The following KIF16B variants were observed in gnomAD, a reference collection of about 807,000 sequenced individuals.
KIF16B encodes the protein kinesin-like protein KIF16B.
In KIF16B, 98 loss-of-function variants were observed where a neutral mutation model predicts 156.3. The observed-to-expected ratio is 0.63, with a 90% confidence interval of 0.53 to 0.74. The LOEUF is 0.74. KIF16B is among the 30% of genes least tolerant of loss of function. The probability of loss-of-function intolerance (pLI) is 0.00; values close to 1 mark genes in which losing one functional copy is unlikely to be tolerated. For synonymous variants in KIF16B, 564 were observed against 583.7 expected, an observed-to-expected ratio of 0.97 and a Z score of 0.49; for missense variants, 1,421 against 1,606.5, an observed-to-expected ratio of 0.88 and a Z score of 1.97.
At chr20:16,430,930 TA>T (rs57529248) in intron 12 of KIF16B, among the ~76,000 whole-genome samples, 1 of 150,028 alleles carries the variant, frequency 6.7e-6, no homozygotes, top group Non-Finnish European at 1.5e-5. Context: ...TTTAACACAT[TA>T]AAAAAAACAA....
intron 25 of KIF16B, among the ~76,000 whole-genome samples, chr20:16,300,288 G>A (rs1278665026): frequency 6.6e-6 from 1 of 152,166 alleles, no homozygotes; most frequent in Non-Finnish European, 1.5e-5. Context: ...TCAAATTTTA[G>A]AGTAATGAGT....
chr20:16,430,584 G>A (rs1161510369), intron 12 of KIF16B, among the ~76,000 whole-genome samples: 7 of 152,070 alleles, frequency 4.6e-5, no homozygotes, highest in Non-Finnish European at 8.8e-5. Context: ...GCCTTTTAGA[G>A]AAAACTACCT....
intron 1 of KIF16B, among the ~76,000 whole-genome samples, chr20:16,569,842 G>A (rs539494225): frequency 6.6e-6 from 1 of 152,082 alleles, no homozygotes; most frequent in Non-Finnish European, 1.5e-5. Context: ...ATAAAACTAC[G>A]CATGAGGAAA....
chr20:16,505,940 T>A, intron 8 of KIF16B, 82 bp downstream of exon 8: 1 of 1,603,840 alleles, frequency 6.2e-7, no homozygotes, highest in Non-Finnish European at 8.5e-7. Context: ...CTTGAAGAAA[T>A]TACCTCAGTT....
chr20:16,362,069 A>G (rs2064562359), intron 22 of KIF16B, among the ~76,000 whole-genome samples: 3 of 152,210 alleles, frequency 2.0e-5, no homozygotes, highest in African/African-American at 7.2e-5. Context: ...AGTGGCTCTC[A>G]CTATTAAGCA....
chr20:16,412,845 C>T (rs111991464), intron 15 of KIF16B, among the ~76,000 whole-genome samples: 75 of 152,086 alleles, frequency 4.9e-4, no homozygotes, highest in African/African-American at 1.6e-3. Flanking sequence ...TATATGTATA[C>T]TTAAAATGCA....
At chr20:16,487,281 G>A (rs1468974757) in intron 12 of KIF16B, among the ~76,000 whole-genome samples, 5 of 151,856 alleles carry the variant, frequency 3.3e-5, no homozygotes, top group Middle Eastern at 3.4e-3. Context: ...GCATTTAAAC[G>A]AGAGAGGCCA....
At chr20:16,437,990 A>AT (rs1305335105) in intron 12 of KIF16B, among the ~76,000 whole-genome samples, 1 of 73,954 alleles carries the variant, frequency 1.4e-5, no homozygotes, top group Non-Finnish European at 3.0e-5. Context: ...AAAAAATAAT[A>AT]AAAAAAAAAA....
At chr20:16,321,692 G>A (rs2063775211) in intron 24 of KIF16B, among the ~76,000 whole-genome samples, 1 of 151,972 alleles carries the variant, frequency 6.6e-6, no homozygotes, top group South Asian at 2.1e-4. Flanking sequence ...TTGAAGTAAG[G>A]CTCAGATGTG....
chr20:16,415,449 C>T (rs993637475), intron 15 of KIF16B, among the ~76,000 whole-genome samples: 4 of 152,116 alleles, frequency 2.6e-5, no homozygotes, highest in South Asian at 2.1e-4. Flanking sequence ...CTTTTCCTCA[C>T]GGCTCTTCTA....
At chr20:16,458,735 T>C (rs1042173788) in intron 12 of KIF16B, among the ~76,000 whole-genome samples, 19 of 151,802 alleles carry the variant, frequency 1.3e-4, no homozygotes, top group African/African-American at 4.6e-4. Context: ...AGGGAATCCA[T>C]GTACAGGTAT....
At chr20:16,418,603 G>T (rs1371782974) in intron 15 of KIF16B, among the ~76,000 whole-genome samples, 1 of 152,078 alleles carries the variant, frequency 6.6e-6, no homozygotes, top group Non-Finnish European at 1.5e-5. Context: ...CCATGGAGTG[G>T]TTCTGGCCAA....
chr20:16,526,662 G>A (rs1431456767), intron 2 of KIF16B, among the ~76,000 whole-genome samples: 1 of 152,148 alleles, frequency 6.6e-6, no homozygotes, highest in Non-Finnish European at 1.5e-5. Context: ...ACACTCCATG[G>A]AGAAGTAATT....
intron 12 of KIF16B, among the ~76,000 whole-genome samples, chr20:16,436,634 C>T (rs2066648237): frequency 6.6e-6 from 1 of 152,124 alleles, no homozygotes; most frequent in Admixed American, 6.6e-5. Flanking sequence ...TAGGAATATC[C>T]CCTTCACAAT....
At chr20:16,343,028 C>A (rs964426362) in intron 23 of KIF16B, among the ~76,000 whole-genome samples, 6 of 152,142 alleles carry the variant, frequency 3.9e-5, no homozygotes, top group African/African-American at 1.4e-4. Flanking sequence ...GGTGCTGATG[C>A]AGAGGGGAGG....
chr20:16,508,553 C>A (rs200679004), intron 6 of KIF16B, among the ~76,000 whole-genome samples: 4 of 152,294 alleles, frequency 2.6e-5, no homozygotes, highest in South Asian at 2.1e-4. Flanking sequence ...AGATCCCTCA[C>A]ACGTGCAGTT....
At chr20:16,410,129 G>GTACATATATATATGTAGA (rs2065906889) in intron 15 of KIF16B, among the ~76,000 whole-genome samples, 4 of 129,064 alleles carry the variant, frequency 3.1e-5, no homozygotes, top group African/African-American at 1.2e-4. Context: ...ATATATGTAG[G>GTACATATATATATGTAGA]TACATATATA....
At chr20:16,532,966 G>T (rs1482307264) in intron 1 of KIF16B, among the ~76,000 whole-genome samples, 1 of 152,160 alleles carries the variant, frequency 6.6e-6, no homozygotes, top group Non-Finnish European at 1.5e-5. Flanking sequence ...ATTCTAACCT[G>T]CAGGTAACCA....
At chr20:16,307,492 T>C (rs1568835789) in intron 25 of KIF16B, among the ~76,000 whole-genome samples, 1 of 152,114 alleles carries the variant, frequency 6.6e-6, no homozygotes, top group Admixed American at 6.5e-5. Flanking sequence ...GCAGGGAAGA[T>C]GTGAGACATA....
Sources: allele counts gnomAD v4.1 joint callset (sites outside exome capture counted in the v4.1 genomes callset), GRCh38; gene constraint gnomAD v4.1.1; transcripts MANE v1.5; gene names NCBI Gene and HGNC (gene_info 2026-07-23, HGNC 2026-07-21).